PCDHGB4: variants seen among roughly 807,000 people sequenced by gnomAD.
PCDHGB4 encodes the protein protocadherin gamma-B4.
PCDHGB4 carries 38 observed loss-of-function variants against 60.5 expected under a neutral mutation model. The observed-to-expected ratio is 0.63, with a 90% CI of 0.48 to 0.82. The LOEUF is 0.82. Ranked by LOEUF, PCDHGB4 falls within the 40% of genes least tolerant of loss-of-function variation. The pLI is 0.00. For synonymous variants in PCDHGB4, 456 were observed against 509.7 expected (o/e 0.89, Z 1.42); for missense variants, 1,109 against 1,209.6 (o/e 0.92, Z 1.23).
Position 141,491,722 on chromosome 5 carries a change from C to G in PCDHGB4, c.2398-3085C>G, listed in dbSNP as rs1276921909. ...CCAGGTGAGGGGCTCGGCGCCGCCC[C>G]GGGCGACCCCTGGGGGCGGCACTGG... On this transcript the variant is annotated intron_variant, in intron 1 of 3. Transcript: ENST00000519479. This position sits in a 1 kb window ranked among gnomAD's most constrained non-coding sequence, Gnocchi z 6.9. 2 of 1,607,004 alleles carry G rather than the reference C, an allele frequency of 1.2e-6. No homozygotes were observed. The highest frequency in any genetic ancestry group is 1.7e-5 in the Admixed American group (1 of 58,788).
At chr5:141,410,060 G>C in intron 1 of PCDHGB4, 1 of 1,613,108 alleles carries the variant, frequency 6.2e-7, no homozygotes, top group Non-Finnish European at 8.5e-7. Flanking sequence ...CTTCAGCCTG[G>C]GGCTGCGCAC....
intron 3 of PCDHGB4, 110 bp downstream of exon 3, chr5:141,505,591 G>A (rs2099846959): frequency 6.4e-7 from 1 of 1,570,162 alleles, no homozygotes; most frequent in Non-Finnish European, 8.7e-7. Context: ...AGTTTCTCCA[G>A]ATCTTTCGGC....
intron 1 of PCDHGB4, among the ~76,000 whole-genome samples, chr5:141,445,924 A>G (rs1451439271): frequency 6.6e-6 from 1 of 152,184 alleles, no homozygotes; most frequent in Non-Finnish European, 1.5e-5. Flanking sequence ...GTGACAAGAT[A>G]TTTGAATTAT....
At chr5:141,478,468 C>A (rs2099457906) in intron 1 of PCDHGB4, 2 of 1,613,800 alleles carry the variant, frequency 1.2e-6, no homozygotes, top group Admixed American at 1.7e-5. Flanking sequence ...CACTGGCCAG[C>A]CGCCAGAACA....
At position 141,486,791 on chromosome 5, in the gene PCDHGB4, C is replaced by T. The variant is rs766519569; in HGVS notation, c.2398-8016C>T. 1.8e-5 allele frequency: 29 copies of T among 1,614,108 alleles called. No homozygotes were observed. The highest frequency in any genetic ancestry group is 2.2e-5 in the Non-Finnish European group (26 of 1,180,054). On this transcript the variant is annotated intron_variant, in intron 1 of 3. Coordinates refer to ENST00000519479, the MANE Select transcript of PCDHGB4 (RefSeq NM_003736.4). The surrounding 1 kb of genome is among the most constrained non-coding windows in gnomAD (Gnocchi z 5.0). ...GCAGTTTGAGGTGCAGGCCCGGGAT[C>T]GGGGCAACCCACCCCTTAGCAGCAC...
At position 141,486,135 on chromosome 5, in the gene PCDHGB4, G is replaced by A. The variant is rs145871538; in HGVS notation, c.2398-8672G>A. ...GAGAATTACTATGAATTTGATGTGC[G>A]GGCTCGCGATGGGGGTTCTCCAGCC... On this transcript the variant is annotated intron_variant, in intron 1 of 3. Transcript: ENST00000519479. This position sits in a 1 kb window ranked among gnomAD's most constrained non-coding sequence, Gnocchi z 5.0. The A allele has an allele frequency of 1.9e-6, 3 of 1,614,168 alleles. No homozygotes were observed. Among genetic ancestry groups the A allele is most frequent in the Non-Finnish European group, 2.5e-6 (3 of 1,180,022 alleles).
Position 141,388,993 on chromosome 5 carries a change from G to C in PCDHGB4, c.1109G>C (p.Arg370Pro), listed in dbSNP as rs778336882. 1 of 1,614,026 alleles carries C rather than the reference G, an allele frequency of 6.2e-7. No homozygotes were observed. The highest frequency in any genetic ancestry group is 1.1e-5 in the South Asian group (1 of 91,086). The change falls in exon 1 of 4, where the codon CGT becomes CCT. Residue 370 changes from arginine (R) to proline (P), a missense_variant. Arg to Pro is a moderately radical substitution (Grantham distance 103). This residue lies in a region of PCDHGB4 where 1,068 missense variants were observed against 1,089.9 expected (regional missense o/e 0.98). Coordinates refer to ENST00000519479, the MANE Select transcript of PCDHGB4 (RefSeq NM_003736.4). The stretch of plus-strand genomic sequence containing the variant: ...ACACATATTGCTTTGCTCAAAGTCC[G>C]TGACAAGGATTCCAGACACAATGGA... The part of the protein sequence containing the change: ...LGTHIALLKV[R>P]DKDSRHNGEV...
chr5:141,500,571 C>T (rs1171231755), intron 2 of PCDHGB4, among the ~76,000 whole-genome samples: 1 of 152,196 alleles, frequency 6.6e-6, no homozygotes, highest in African/African-American at 2.4e-5. Context: ...GTCACACTTT[C>T]ATGTGACACT....
At chr5:141,461,242 T>G (rs1246270739) in intron 1 of PCDHGB4, among the ~76,000 whole-genome samples, 1 of 152,170 alleles carries the variant, frequency 6.6e-6, no homozygotes, top group Non-Finnish European at 1.5e-5. Context: ...TGTACTAATT[T>G]ATATTCCCAG....
Position 141,485,011 on chromosome 5 carries a change from C to G in PCDHGB4, c.2398-9796C>G, listed in dbSNP as rs2099605048. 3.2e-6 allele frequency: 2 copies of G among 631,064 alleles called. No homozygotes were observed. The highest frequency in any genetic ancestry group is 5.5e-5 in the East Asian group (2 of 36,662). The allele number at this position is 631,064 out of a possible 1,614,324, so 39.1% of individuals were successfully genotyped here. A position where few individuals can be genotyped will look rare whatever the true frequency, so the allele number is the denominator to read the frequency against. Reference sequence around the variant, plus strand: ...TGGTGAAAGGCAGACAAATCTACCCCGCCACCAGCAAAAACGGCGCGTAAC... The same window carrying G: ...TGGTGAAAGGCAGACAAATCTACCCGGCCACCAGCAAAAACGGCGCGTAAC... On this transcript the variant is annotated intron_variant, in intron 1 of 3. Coordinates refer to ENST00000519479, the MANE Select transcript of PCDHGB4 (RefSeq NM_003736.4). This position sits in a 1 kb window ranked among gnomAD's most constrained non-coding sequence, Gnocchi z 5.7.
intron 1 of PCDHGB4, chr5:141,404,354 G>A (rs749866543): frequency 6.2e-7 from 1 of 1,613,916 alleles, no homozygotes; most frequent in Non-Finnish European, 8.5e-7. Flanking sequence ...CAACGCCAGA[G>A]GTACTTCCAT....
At position 141,427,408 on chromosome 5, in the gene PCDHGB4, G is replaced by C. The variant is rs975709597; in HGVS notation, c.2397+37127G>C. ...TTCAAAACACATGATAAAGATTCGA[G>C]AGAAAATGGGGAGGTTACATGCCTC... On this transcript the variant is annotated intron_variant, in intron 1 of 3. Coordinates refer to ENST00000519479, the MANE Select transcript of PCDHGB4 (RefSeq NM_003736.4). The C allele has an allele frequency of 1.3e-5, 6 of 463,300 alleles. No homozygotes were observed. In the Admixed American group the frequency reaches 1.4e-4, roughly 11 times the overall value. The allele number at this position is 463,300 out of a possible 1,614,324, so 28.7% of individuals were successfully genotyped here. A position where few individuals can be genotyped will look rare whatever the true frequency, so the allele number is the denominator to read the frequency against.
chr5:141,507,525 A>T (rs1053801558), intron 3 of PCDHGB4, among the ~76,000 whole-genome samples: 1 of 152,000 alleles, frequency 6.6e-6, no homozygotes, highest in Non-Finnish European at 1.5e-5. Context: ...ATGATTCCAG[A>T]GAGGCCAGAG....
rs747722740 is a variant in PCDHGB4, at chr5:141,485,835, C to G, written c.2398-8972C>G. 3 of 1,614,190 alleles carry G rather than the reference C, an allele frequency of 1.9e-6. No homozygotes were observed. In the South Asian group the frequency reaches 3.3e-5, roughly 18 times the overall value. On this transcript the variant is annotated intron_variant, in intron 1 of 3. Transcript: ENST00000519479. This position sits in a 1 kb window ranked among gnomAD's most constrained non-coding sequence, Gnocchi z 5.7. ...ACTGCTGTCGATGGAGGGAACCCGC[C>G]GAGATCTGGCACCGCAGAGCTCCGG...
At chr5:141,461,422 C>A (rs2099015157) in intron 1 of PCDHGB4, among the ~76,000 whole-genome samples, 1 of 151,930 alleles carries the variant, frequency 6.6e-6, no homozygotes, top group African/African-American at 2.4e-5. Flanking sequence ...TGTTTGTGGG[C>A]CATTTGTATA....
rs764363553 is a variant in PCDHGB4 at position 141,432,120 on chromosome 5, A to C, written c.2397+41839A>C. The C allele has an allele frequency of 1.2e-6, 2 of 1,613,978 alleles. No homozygotes were observed. Among genetic ancestry groups the C allele is most frequent in the African/African-American group, 2.7e-5 (2 of 74,894 alleles). ...AACGACAACCCGCCGGTCTTCCCTC[A>C]GGCCTCCTATTCCGCTTATATCCCA... On this transcript the variant is annotated intron_variant, in intron 1 of 3. Transcript: ENST00000519479. The surrounding 1 kb of genome is among the most constrained non-coding windows in gnomAD (Gnocchi z 6.0).
intron 1 of PCDHGB4, 185 bp downstream of exon 1, chr5:141,390,466 G>A: frequency 1.4e-6 from 1 of 712,034 alleles, no homozygotes; most frequent in East Asian, 2.7e-5. Context: ...AGGAGCAATT[G>A]TGTGGCCCAA....
intron 1 of PCDHGB4, among the ~76,000 whole-genome samples, chr5:141,444,402 C>A (rs916833331): frequency 6.6e-6 from 1 of 151,932 alleles, no homozygotes; most frequent in Admixed American, 6.6e-5. Flanking sequence ...AACTCCCAAC[C>A]TCAGGTGATC....
intron 1 of PCDHGB4, chr5:141,396,655 C>T (rs1589287485): frequency 6.6e-6 from 1 of 152,052 alleles, no homozygotes; most frequent in South Asian, 2.1e-4. Context: ...AGTAAAAACT[C>T]GGTATAGGCT....
Sources: allele counts gnomAD v4.1 joint callset (sites outside exome capture counted in the v4.1 genomes callset), GRCh38; gene constraint gnomAD v4.1.1; regional missense constraint gnomAD v4.1.1; non-coding constraint Gnocchi (gnomAD v3.1); transcripts MANE v1.5; gene names NCBI Gene and HGNC (gene_info 2026-07-23, HGNC 2026-07-21).